Variants in PDPR observed in about 807,000 individuals in gnomAD.
PDPR encodes pyruvate dehydrogenase phosphatase regulatory subunit, mitochondrial.
PDPR carries 50 observed loss-of-function variants against 102.2 expected under a neutral mutation model. The ratio of observed to expected loss-of-function variants is 0.49; its 90% CI spans 0.39 to 0.62. The LOEUF (loss-of-function observed/expected upper bound fraction) is 0.62. PDPR is among the 20% of genes least tolerant of loss of function. The pLI is 0.00. For synonymous variants in PDPR, 259 were observed against 406.0 expected, an observed-to-expected ratio of 0.64 and a Z score of 4.35; for missense variants, 625 against 1,098.2, an observed-to-expected ratio of 0.57 and a Z score of 6.09.
intron 11 of PDPR, among the ~76,000 whole-genome samples, chr16:70,141,148 G>C (rs1203673544): frequency 6.6e-6 from 1 of 152,204 alleles, no homozygotes; most frequent in African/African-American, 2.4e-5. Context: ...CTGCCTCCTG[G>C]GTTCAAACAA....
intron 18 of PDPR, among the ~76,000 whole-genome samples, chr16:70,153,828 T>G (rs1422275611): frequency 6.6e-6 from 1 of 152,196 alleles, no homozygotes; most frequent in Non-Finnish European, 1.5e-5. Context: ...GTGGATCACC[T>G]GAGGTCAGGA....
chr16:70,138,540 G>A (rs1300268750), intron 10 of PDPR, among the ~76,000 whole-genome samples: 19 of 151,936 alleles, frequency 1.3e-4, no homozygotes, highest in Middle Eastern at 3.4e-3. Context: ...TTTCTGTAGA[G>A]ACGGGGTCTT....
intron 11 of PDPR, among the ~76,000 whole-genome samples, chr16:70,141,123 G>A (rs576995889): frequency 2.6e-5 from 4 of 152,040 alleles, no homozygotes; most frequent in Admixed American, 6.6e-5. Flanking sequence ...GCGTGATTTC[G>A]GCTCACTGCA....
At position 70,153,397 on chromosome 16, in the gene PDPR, C is replaced by G; in HGVS notation, c.2059C>G (p.Leu687Val). The G allele has an allele frequency of 6.2e-7, 1 of 1,613,158 alleles. No individual in the cohort carries two copies. Residue 687 changes from leucine (L) to valine (V), a missense_variant, in exon 18 of 19, where the codon CTG (leucine) becomes GTG (valine). Transcript: ENST00000288050. Reference protein sequence around the residue: ...FMLYIPIEYALHVYNEVMSVG... With the variant: ...FMLYIPIEYAVHVYNEVMSVG... Reference sequence around the variant, plus strand: ...TTTCTGTCTCTTCCTATAGTACGCCCTGCATGTATACAATGAAGTGATGAG... The same window carrying G: ...TTTCTGTCTCTTCCTATAGTACGCCGTGCATGTATACAATGAAGTGATGAG...
rs533597757 is a variant in PDPR at position 70,132,486 on chromosome 16, A to G, written c.997+186A>G. 5.9e-4 allele frequency among the ~76,000 whole-genome samples: 90 copies of G among 152,372 alleles called. No homozygotes were observed. The South Asian group carries it at 9.9e-3, about 17-fold the overall frequency. ...TACTAGGTAGCAGATTCAGGGGACT[A>G]AAATCTTAGTTAATAGACATTTGCC... On this transcript the variant is annotated intron_variant, in intron 9 of 18. Coordinates refer to ENST00000288050, the MANE Select transcript of PDPR (RefSeq NM_017990.5).
chr16:70,157,340 A>AG lies in PDPR; in HGVS notation c.*465dup, dbSNP rs1461046848. ...TTGCCGTGTGTCGGATGCAGCCCTG[A>AG]GGGGCAGCTCGTGCCTGCAGCCCGG... On this transcript the variant is annotated 3_prime_UTR_variant, in exon 19 of 19. Coordinates refer to ENST00000288050, the MANE Select transcript of PDPR (RefSeq NM_017990.5). 5.2e-6 allele frequency: 2 copies of AG among 383,398 alleles called. No homozygotes were observed. The highest frequency in any genetic ancestry group is 1.4e-4 in the East Asian group (2 of 13,854). The allele number at this position is 383,398 out of a possible 1,614,324, so 23.7% of individuals were successfully genotyped here. A position where few individuals can be genotyped will look rare whatever the true frequency, so the allele number is the denominator to read the frequency against.
downstream of PDPR, among the ~76,000 whole-genome samples, chr16:70,162,992 C>G (rs1278538635): frequency 1.3e-5 from 2 of 152,378 alleles, no homozygotes; most frequent in Admixed American, 1.3e-4. Flanking sequence ...GCTCTTTTGC[C>G]CAGGCTGGAG....
At chr16:70,134,749 G>A (rs1287395639) in intron 9 of PDPR, among the ~76,000 whole-genome samples, 2 of 149,410 alleles carry the variant, frequency 1.3e-5, no homozygotes, top group Non-Finnish European at 3.0e-5. Flanking sequence ...TCGCACCACT[G>A]CACTCCAGCC....
rs1967331112 is a variant in PDPR at position 70,157,324 on chromosome 16, G to A, written c.*445G>A. 2.5e-6 allele frequency: 1 copy of A among 401,786 alleles called. No homozygotes were observed. The highest frequency in any genetic ancestry group is 4.9e-6 in the Non-Finnish European group (1 of 203,630). 24.9% of individuals were successfully genotyped at this position (401,786 alleles called of 1,614,324 possible). A position where few individuals can be genotyped will look rare whatever the true frequency, so the allele number is the denominator to read the frequency against. Reference sequence around the variant, plus strand: ...ATTAGTTCTGGTGGGGTTGCCGTGTGTCGGATGCAGCCCTGAGGGGCAGCT... The same window carrying A: ...ATTAGTTCTGGTGGGGTTGCCGTGTATCGGATGCAGCCCTGAGGGGCAGCT... On this transcript the variant is annotated 3_prime_UTR_variant, in exon 19 of 19. Transcript: ENST00000288050.
intron 8 of PDPR, chr16:70,131,728 A>C (rs1241934853): frequency 1.0e-6 from 1 of 985,308 alleles, no homozygotes; most frequent in African/African-American, 1.7e-5. Flanking sequence ...GGATAGTAGA[A>C]ATGTCATAGG....
intron 2 of PDPR, among the ~76,000 whole-genome samples, chr16:70,118,861 T>G (rs908872009): frequency 1.3e-5 from 2 of 152,176 alleles, no homozygotes; most frequent in African/African-American, 4.8e-5. Flanking sequence ...GATGTCTGCC[T>G]GGACACAGTC....
intron 9 of PDPR, among the ~76,000 whole-genome samples, chr16:70,135,668 A>G (rs188271625): frequency 2.2e-3 from 332 of 152,308 alleles, no homozygotes; most frequent in Middle Eastern, 0.01. Context: ...TTTCTAACCA[A>G]TATCTTTTTT....
intron 17 of PDPR, among the ~76,000 whole-genome samples, chr16:70,152,113 C>CTG (rs1419690103): frequency 6.6e-6 from 1 of 152,286 alleles, no homozygotes; most frequent in African/African-American, 2.4e-5. Context: ...TCTCCTCGTC[C>CTG]TGCCGCATTC....
At chr16:70,133,111 CTTT>C (rs140652740) in intron 9 of PDPR, among the ~76,000 whole-genome samples, 12 of 97,254 alleles carry the variant, frequency 1.2e-4, no homozygotes, top group African/African-American at 4.3e-4. Flanking sequence ...TACCCAGCTG[CTTT>C]TTTTTTTTTT....
chr16:70,125,000 C>T (rs535013119), intron 3 of PDPR, among the ~76,000 whole-genome samples: 1 of 152,210 alleles, frequency 6.6e-6, no homozygotes, highest in African/African-American at 2.4e-5. Context: ...TCTGTTGCTA[C>T]CACAAATTAG....
chr16:70,148,566 C>CCTTCCCTTCCCTTCCCTTCA lies in PDPR; in HGVS notation c.2052+33_2052+52dup. The CCTTCCCTTCCCTTCCCTTCA allele has an allele frequency of 3.2e-6, 5 of 1,571,472 alleles. No individual in the cohort carries two copies. The highest frequency in any genetic ancestry group is 2.3e-5 in the South Asian group (2 of 88,456). ...CATCCCCATAGAGGTGAGAGGGCAC[C>CCTTCCCTTCCCTTCCCTTCA]CTTCCCTTCCCTTCCCTTCACTTCC... On this transcript the variant is annotated intron_variant, in intron 17 of 18. Coordinates refer to ENST00000288050, the MANE Select transcript of PDPR (RefSeq NM_017990.5).
At chr16:70,150,826 T>C (rs1966676599) in intron 17 of PDPR, among the ~76,000 whole-genome samples, 1 of 152,274 alleles carries the variant, frequency 6.6e-6, no homozygotes, top group South Asian at 2.1e-4. Context: ...TATTACTATT[T>C]TTTAGTGCAG....
chr16:70,129,359 T>C (rs1275545326), intron 6 of PDPR, among the ~76,000 whole-genome samples: 1 of 152,286 alleles, frequency 6.6e-6, no homozygotes, highest in Non-Finnish European at 1.5e-5. Context: ...TGCCCCTTTT[T>C]TGGAGACAGA....
chr16:70,145,236 C>T (rs1205332737), intron 15 of PDPR, among the ~76,000 whole-genome samples: 2 of 152,344 alleles, frequency 1.3e-5, no homozygotes, highest in African/African-American at 4.8e-5. Context: ...CTCCCGGGTT[C>T]AAGCGATTCT....
Sources: gnomAD v4.1 joint callset for allele counts (sites outside exome capture counted in the v4.1 genomes callset) on GRCh38, gnomAD v4.1.1 for gene constraint, MANE v1.5 for transcripts, NCBI Gene and HGNC (gene_info 2026-07-23, HGNC 2026-07-21) for gene names.